The following ZSWIM5 variants were observed in gnomAD, a reference collection of about 807,000 sequenced individuals.
The protein encoded by ZSWIM5 is zinc finger SWIM domain-containing protein 5.
A neutral mutation model predicts 119.6 loss-of-function variants in ZSWIM5; 55 were observed. The observed-to-expected ratio is 0.46, with a 90% CI of 0.37 to 0.58. ZSWIM5 has a LOEUF of 0.58. Ranked by LOEUF, ZSWIM5 falls within the 20% of genes least tolerant of loss-of-function variation. The pLI, the probability that ZSWIM5 is intolerant of heterozygous loss-of-function variation, is 0.00. For missense variants in ZSWIM5, 1,193 were observed against 1,512.8 expected (o/e 0.79, Z 3.51); for synonymous variants, 537 against 606.9 (o/e 0.88, Z 1.69).
At chr1:45,058,798 A>G (rs1002373365) in intron 3 of ZSWIM5, 39 bp from the exon 4 acceptor site, 2 of 1,609,874 alleles carry the variant, frequency 1.2e-6, no homozygotes, top group South Asian at 1.1e-5. Context: ...GTGATTGTGT[A>G]TCACAAAAAA....
intron 1 of ZSWIM5, among the ~76,000 whole-genome samples, chr1:45,108,138 T>G (rs540430351): frequency 3.7e-4 from 56 of 152,098 alleles, no homozygotes; most frequent in Non-Finnish European, 6.9e-4. Context: ...TGAACATAGA[T>G]TGGGAAAAAT....
In ZSWIM5 at chr1:45,024,147, T is replaced by C. The variant is rs1430338424; in HGVS notation, c.2450-3359A>G. Among the ~76,000 whole-genome samples the C allele has an allele frequency of 3.3e-5, 5 of 151,812 alleles. No homozygotes were observed. In the East Asian group the frequency reaches 7.7e-4, roughly 23 times the overall value. On this transcript the variant is annotated intron_variant, in intron 11 of 13. Transcript: ENST00000359600. ...TTTCAAATATTTTTCTCCCAGTCTC[T>C]GCTTGTCTTTTTGTTTTCTTAACAG... is the stretch of plus-strand genomic sequence containing the variant.
intron 1 of ZSWIM5, among the ~76,000 whole-genome samples, chr1:45,139,692 C>T (rs1260383739): frequency 7.2e-5 from 10 of 138,678 alleles, no homozygotes; most frequent in African/African-American, 1.3e-4. Flanking sequence ...TTGCTTTCTT[C>T]GATTTTTTTT....
chr1:45,150,521 T>C (rs991185833), intron 1 of ZSWIM5, among the ~76,000 whole-genome samples: 9 of 152,182 alleles, frequency 5.9e-5, no homozygotes, highest in African/African-American at 2.2e-4. Flanking sequence ...GAGATGTTCA[T>C]TTGCTTAGAA....
chr1:45,202,528 A>G (rs1379784021), intron 1 of ZSWIM5, among the ~76,000 whole-genome samples: 4 of 152,072 alleles, frequency 2.6e-5, no homozygotes, highest in Non-Finnish European at 4.4e-5. Context: ...AGAACAAATC[A>G]TGTACTTATT....
chr1:45,019,409 A>G lies in ZSWIM5; in HGVS notation c.2696-93T>C. 1 of 1,486,260 alleles carries G rather than the reference A, an allele frequency of 6.7e-7. No individual in the cohort carries two copies. The highest frequency in any genetic ancestry group is 1.4e-5 in the African/African-American group (1 of 71,924). The allele number at this position is 1,486,260 out of a possible 1,614,324, so 92.1% of individuals were successfully genotyped here. ...TTTGGGGTTTGAACTTGGCCTGCAG[A>G]GATGAATTCTTCCTCCTCAGCAACC... On this transcript the variant is annotated intron_variant, in intron 13 of 13. Coordinates refer to ENST00000359600, the MANE Select transcript of ZSWIM5 (RefSeq NM_020883.2). This position sits in a 1 kb window ranked among gnomAD's most constrained non-coding sequence, Gnocchi z 5.0.
intron 2 of ZSWIM5, among the ~76,000 whole-genome samples, chr1:45,074,124 T>A (rs750741870): frequency 3.9e-5 from 6 of 152,018 alleles, no homozygotes; most frequent in Non-Finnish European, 7.4e-5. Context: ...TATTGTTGAA[T>A]TCAGTTTGCT....
At chr1:45,121,557 T>C (rs1248598384) in intron 1 of ZSWIM5, among the ~76,000 whole-genome samples, 1 of 152,018 alleles carries the variant, frequency 6.6e-6, no homozygotes, top group African/African-American at 2.4e-5. Flanking sequence ...CAAACCTCTT[T>C]CTTTATCCAC....
At chr1:45,183,910 T>A (rs1186447167) in intron 1 of ZSWIM5, among the ~76,000 whole-genome samples, 1 of 152,182 alleles carries the variant, frequency 6.6e-6, no homozygotes, top group Admixed American at 6.5e-5. Context: ...GAGGCCAGCA[T>A]CATCCTGATA....
At chr1:45,124,819 A>C (rs1645610750) in intron 1 of ZSWIM5, among the ~76,000 whole-genome samples, 1 of 152,178 alleles carries the variant, frequency 6.6e-6, no homozygotes, top group Non-Finnish European at 1.5e-5. Flanking sequence ...ATATTACCAG[A>C]GGGACTTTAG....
At chr1:45,133,285 G>T (rs1440387977) in intron 1 of ZSWIM5, among the ~76,000 whole-genome samples, 1 of 152,140 alleles carries the variant, frequency 6.6e-6, no homozygotes, top group Non-Finnish European at 1.5e-5. Flanking sequence ...GTTGTTTCCT[G>T]ACTTTTTAAT....
intron 1 of ZSWIM5, among the ~76,000 whole-genome samples, chr1:45,183,972 T>C (rs1032442902): frequency 6.6e-6 from 1 of 152,118 alleles, no homozygotes; most frequent in African/African-American, 2.4e-5. Flanking sequence ...CCAATATCCT[T>C]GATGAACATT....
Position 45,174,507 on chromosome 1 carries a change from C to T in ZSWIM5, c.595+31249G>A, listed in dbSNP as rs55737255. On this transcript the variant is annotated intron_variant, in intron 1 of 13. Coordinates refer to ENST00000359600, the MANE Select transcript of ZSWIM5 (RefSeq NM_020883.2). The stretch of plus-strand genomic sequence containing the variant: ...CAGGACTTTGGGAAGCCGAGGTGGG[C>T]GGATCACTTTAGGCCAGGAGTTTGA... 4.8e-3 allele frequency among the ~76,000 whole-genome samples: 707 copies of T among 148,432 alleles called. 5 individuals carry two copies. Among genetic ancestry groups the T allele is most frequent in the African/African-American group, 0.015 (620 of 40,176 alleles).
intron 11 of ZSWIM5, among the ~76,000 whole-genome samples, chr1:45,023,575 G>A (rs1230693650): frequency 6.8e-6 from 1 of 147,224 alleles, no homozygotes; most frequent in East Asian, 2.0e-4. Flanking sequence ...TCAATTCTAT[G>A]GATATACGAT....
intron 1 of ZSWIM5, among the ~76,000 whole-genome samples, chr1:45,162,286 G>T (rs1315832195): frequency 1.3e-5 from 2 of 152,230 alleles, no homozygotes; most frequent in Non-Finnish European, 2.9e-5. Flanking sequence ...GAGGTCAGGA[G>T]TTGGAGACCA....
intron 1 of ZSWIM5, among the ~76,000 whole-genome samples, chr1:45,164,302 C>A (rs890547360): frequency 9.2e-5 from 14 of 152,096 alleles, no homozygotes; most frequent in Admixed American, 3.9e-4. Flanking sequence ...GCCTGCCCTA[C>A]AAGAGCTCCT....
intron 1 of ZSWIM5, among the ~76,000 whole-genome samples, chr1:45,147,876 A>C (rs1412229252): frequency 6.6e-6 from 1 of 151,954 alleles, no homozygotes; most frequent in African/African-American, 2.4e-5. Flanking sequence ...GCCCACAGAA[A>C]AGAGGAAAAT....
chr1:45,156,871 A>C (rs1459618746), intron 1 of ZSWIM5, among the ~76,000 whole-genome samples: 1 of 151,942 alleles, frequency 6.6e-6, no homozygotes, highest in Non-Finnish European at 1.5e-5. Context: ...AAAATCTTTA[A>C]GAATCTACAC....
intron 1 of ZSWIM5, among the ~76,000 whole-genome samples, chr1:45,137,554 G>A (rs1016396605): frequency 6.6e-6 from 1 of 152,080 alleles, no homozygotes; most frequent in Non-Finnish European, 1.5e-5. Flanking sequence ...TCACAAGAAG[G>A]TAAAAACTCA....
Sources: gnomAD v4.1 joint callset for allele counts (sites outside exome capture counted in the v4.1 genomes callset) on GRCh38, gnomAD v4.1.1 for gene constraint, Gnocchi (gnomAD v3.1) non-coding constraint, MANE v1.5 for transcripts, NCBI Gene and HGNC (gene_info 2026-07-23, HGNC 2026-07-21) for gene names.